Variants in TSHZ2 observed in about 807,000 individuals in gnomAD.
TSHZ2 encodes teashirt zinc finger homeobox 2.
Under a neutral mutation model 74.4 loss-of-function variants are expected in TSHZ2, and 21 were observed. That is an observed-to-expected ratio of 0.28 (90% confidence interval 0.20 to 0.41). The LOEUF is 0.41. Among genes scored for constraint, TSHZ2 ranks in the 10% least tolerant of loss-of-function variants. The pLI is 1.00. For synonymous variants in TSHZ2, 540 were observed against 515.3 expected, an observed-to-expected ratio of 1.05 and a Z score of -0.65; for missense variants, 1,244 against 1,293.5, an observed-to-expected ratio of 0.96 and a Z score of 0.59.
chr20:53,096,507 G>A (rs988129727), intron 1 of TSHZ2, among the ~76,000 whole-genome samples: 15 of 152,076 alleles, frequency 9.9e-5, no homozygotes, highest in Non-Finnish European at 1.6e-4. Flanking sequence ...TTAGCAAAGG[G>A]GCAGGCGTGA....
chr20:53,254,114 A>G lies in TSHZ2; in HGVS notation c.656A>G (p.Gln219Arg). ...FTGASRFRCR[Q>R]CSAAYDTLVE... ...GGGGCCAGCAGATTCCGATGCCGAC[A>G]GTGCAGCGCGGCCTATGACACCCTA... Residue 219 changes from glutamine (Q) to arginine (R), a missense_variant, in exon 2 of 3, where the codon CAG becomes CGG. Coordinates refer to ENST00000371497, the MANE Select transcript of TSHZ2 (RefSeq NM_173485.6). 6.2e-7 allele frequency: 1 copy of G among 1,614,184 alleles called. No individual in the cohort carries two copies. Among genetic ancestry groups the G allele is most frequent in the South Asian group, 1.1e-5 (1 of 91,082 alleles).
intron 1 of TSHZ2, among the ~76,000 whole-genome samples, chr20:53,057,802 G>A (rs111384755): frequency 2.3e-4 from 35 of 152,294 alleles, no homozygotes; most frequent in African/African-American, 5.8e-4. Flanking sequence ...AGGTAAGCAC[G>A]TGGTAATAGA....
At chr20:53,430,311 C>A (rs1983795324) in intron 2 of TSHZ2, among the ~76,000 whole-genome samples, 1 of 151,924 alleles carries the variant, frequency 6.6e-6, no homozygotes, top group Non-Finnish European at 1.5e-5. Context: ...CACCACATTG[C>A]CCAGGCTGGT....
chr20:53,051,865 C>G (rs1054525440), intron 1 of TSHZ2, among the ~76,000 whole-genome samples: 3 of 152,158 alleles, frequency 2.0e-5, no homozygotes. Context: ...TAGAACGGAC[C>G]TTTGCAGGAG....
At chr20:53,122,986 T>TCTA (rs769106350) in intron 1 of TSHZ2, among the ~76,000 whole-genome samples, 6 of 152,188 alleles carry the variant, frequency 3.9e-5, no homozygotes, top group Non-Finnish European at 5.9e-5. Flanking sequence ...ATTTCCGCTT[T>TCTA]CTACTCTTCC....
rs1032321711 is a variant in TSHZ2 at position 53,030,012 on chromosome 20, C to A, written c.40+56679C>A. 3.3e-5 allele frequency among the ~76,000 whole-genome samples: 5 copies of A among 152,186 alleles called. No homozygotes were observed. In the South Asian group the frequency reaches 1.0e-3, roughly 32 times the overall value. ...GAACTTAGATCAACTCTTGTTTTAA[C>A]ATCTGTGACGCACCTACTATATGCC... On this transcript the variant is annotated intron_variant, in intron 1 of 2. Coordinates refer to ENST00000371497, the MANE Select transcript of TSHZ2 (RefSeq NM_173485.6).
chr20:53,020,633 C>T (rs1162316185), intron 1 of TSHZ2, among the ~76,000 whole-genome samples: 1 of 152,162 alleles, frequency 6.6e-6, no homozygotes, highest in African/African-American at 2.4e-5. Flanking sequence ...GGGTGAATAT[C>T]ACCACTTACT....
At chr20:53,048,512 T>G (rs1437050193) in intron 1 of TSHZ2, among the ~76,000 whole-genome samples, 1 of 152,150 alleles carries the variant, frequency 6.6e-6, no homozygotes, top group Non-Finnish European at 1.5e-5. Flanking sequence ...ATCAGAGCCA[T>G]TACCCTCCTC....
intron 1 of TSHZ2, among the ~76,000 whole-genome samples, chr20:53,087,564 A>G (rs1985735413): frequency 6.6e-6 from 1 of 152,194 alleles, no homozygotes; most frequent in Non-Finnish European, 1.5e-5. Context: ...CTGGGTGCAC[A>G]GCGTTACTCA....
chr20:53,362,271 G>A (rs953601321), intron 2 of TSHZ2, among the ~76,000 whole-genome samples: 5 of 150,332 alleles, frequency 3.3e-5, no homozygotes, highest in South Asian at 2.1e-4. Flanking sequence ...TGCAAGCTCC[G>A]CCTCCCAGGT....
Position 53,302,208 on chromosome 20 carries a change from C to T in TSHZ2, c.*8+45637C>T, listed in dbSNP as rs114768880. ...AGCCATTTCTTCAATTTGTCAACAT[C>T]GGGGTTCAGAAGGACAGCCGAGAGT... is the stretch of plus-strand genomic sequence containing the variant. On this transcript the variant is annotated intron_variant, in intron 2 of 2. Coordinates refer to ENST00000371497, the MANE Select transcript of TSHZ2 (RefSeq NM_173485.6). 6.6e-3 allele frequency among the ~76,000 whole-genome samples: 1,001 copies of T among 152,198 alleles called. 5 individuals are homozygous for T. Among genetic ancestry groups the T allele is most frequent in the African/African-American group, 0.022 (934 of 41,522 alleles).
At chr20:53,305,692 TTGGC>T (rs1978507715) in intron 2 of TSHZ2, among the ~76,000 whole-genome samples, 1 of 152,062 alleles carries the variant, frequency 6.6e-6, no homozygotes, top group Non-Finnish European at 1.5e-5. Context: ...AAAAATGTGT[TTGGC>T]TGGCCGGGTG....
At chr20:52,980,010 T>A (rs1981501683) in intron 1 of TSHZ2, among the ~76,000 whole-genome samples, 1 of 152,142 alleles carries the variant, frequency 6.6e-6, no homozygotes, top group Admixed American at 6.5e-5. Context: ...AATTTCAATA[T>A]CCTCCTACCT....
chr20:53,131,380 TCTGCAGGGACTCC>T (rs1987096085), intron 1 of TSHZ2, among the ~76,000 whole-genome samples: 2 of 152,230 alleles, frequency 1.3e-5, no homozygotes, highest in Non-Finnish European at 2.9e-5. Flanking sequence ...AAGGGTTTTC[TCTGCAGGGACTCC>T]CTGCAATCTA....
chr20:53,186,030 C>T (rs1348797992), intron 1 of TSHZ2, among the ~76,000 whole-genome samples: 4 of 152,306 alleles, frequency 2.6e-5, no homozygotes, highest in South Asian at 2.1e-4. Context: ...CTGCTGCAAA[C>T]GCTTCCAATG....
intron 1 of TSHZ2, among the ~76,000 whole-genome samples, chr20:52,996,447 G>A (rs1488634606): frequency 6.6e-6 from 1 of 151,984 alleles, no homozygotes; most frequent in Admixed American, 6.6e-5. Context: ...TGGTGAGGTT[G>A]AACAGGAGGA....
chr20:53,141,198 T>C (rs1428477998), intron 1 of TSHZ2, among the ~76,000 whole-genome samples: 2 of 152,192 alleles, frequency 1.3e-5, no homozygotes, highest in East Asian at 3.9e-4. Context: ...CTATAGCTCC[T>C]GAGCAGACAG....
chr20:53,408,225 A>G (rs1242637017), intron 2 of TSHZ2, among the ~76,000 whole-genome samples: 1 of 152,112 alleles, frequency 6.6e-6, no homozygotes, highest in African/African-American at 2.4e-5. Flanking sequence ...CCAAGTTTGG[A>G]GTCTGAGCCC....
chr20:53,116,122 ATAATCTT>A (rs1986659674), intron 1 of TSHZ2, among the ~76,000 whole-genome samples: 1 of 152,238 alleles, frequency 6.6e-6, no homozygotes, highest in Non-Finnish European at 1.5e-5. Flanking sequence ...CAAAATGGAG[ATAATCTT>A]TAATGGTTCT....
Sources: gnomAD v4.1 joint callset for allele counts (sites outside exome capture counted in the v4.1 genomes callset) on GRCh38, gnomAD v4.1.1 for gene constraint, MANE v1.5 for transcripts, NCBI Gene and HGNC (gene_info 2026-07-23, HGNC 2026-07-21) for gene names.